The following ADAMTS12 variants were observed in gnomAD, a reference collection of about 807,000 sequenced individuals.
ADAMTS12 encodes ADAM metallopeptidase with thrombospondin type 1 motif 12, also known as A disintegrin and metalloproteinase with thrombospondin motifs 12.
ADAMTS12 carries 118 observed loss-of-function variants against 167.8 expected under a neutral mutation model. The ratio of observed to expected loss-of-function variants is 0.70; its 90% CI spans 0.61 to 0.82. ADAMTS12 has a LOEUF of 0.82. Ranked by LOEUF, ADAMTS12 falls within the 40% of genes least tolerant of loss-of-function variation. ADAMTS12 has a pLI of 0.00. For synonymous variants in ADAMTS12, 704 were observed against 716.9 expected, an observed-to-expected ratio of 0.98 and a Z score of 0.29; for missense variants, 1,916 against 1,998.8, an observed-to-expected ratio of 0.96 and a Z score of 0.79.
At chr5:33,607,995 C>T (rs573571412) in intron 16 of ADAMTS12, among the ~76,000 whole-genome samples, 1 of 151,918 alleles carries the variant, frequency 6.6e-6, no homozygotes, top group Non-Finnish European at 1.5e-5. Flanking sequence ...GGAAATAGAC[C>T]CACACCTATA....
At chr5:33,558,306 T>A (rs1745577253) in intron 20 of ADAMTS12, among the ~76,000 whole-genome samples, 1 of 152,150 alleles carries the variant, frequency 6.6e-6, no homozygotes, top group Non-Finnish European at 1.5e-5. Flanking sequence ...AAATAGCATC[T>A]TTGATATAAG....
intron 3 of ADAMTS12, among the ~76,000 whole-genome samples, chr5:33,747,926 T>A (rs531427581): frequency 1.3e-5 from 2 of 152,292 alleles, no homozygotes; most frequent in Admixed American, 1.3e-4. Context: ...CCAAAGAACC[T>A]AGGAAAAACC....
In ADAMTS12 at chr5:33,784,609, CA is replaced by C. The variant is rs200398254; in HGVS notation, c.490-33062del. On this transcript the variant is annotated intron_variant, in intron 2 of 23. Coordinates refer to ENST00000504830, the MANE Select transcript of ADAMTS12 (RefSeq NM_030955.4). ...TCATTTCCAAGATAATCAGAAAGAACAAAATAATTACAAATTAACGTTTAAG... is the reference window on the plus strand; with the variant it reads ...TCATTTCCAAGATAATCAGAAAGAACAAATAATTACAAATTAACGTTTAAG... 5.1e-3 allele frequency among the ~76,000 whole-genome samples: 779 copies of C among 151,722 alleles called. 10 individuals are homozygous for C. The highest frequency in any genetic ancestry group is 0.018 in the African/African-American group (750 of 41,458).
Position 33,849,151 on chromosome 5 carries a change from A to T in ADAMTS12, c.489+31968T>A, listed in dbSNP as rs868122061. On this transcript the variant is annotated intron_variant, in intron 2 of 23. Coordinates refer to ENST00000504830, the MANE Select transcript of ADAMTS12 (RefSeq NM_030955.4). ...AATATATATATATGTATTGCATAGC[A>T]ATATATATATGTATTGCATAGCAAT... Among the ~76,000 whole-genome samples, 3 of 59,832 alleles carry T rather than the reference A, an allele frequency of 5.0e-5. 1 individual carries two copies. Among genetic ancestry groups the T allele is most frequent in the African/African-American group, 1.5e-4 (3 of 19,986 alleles). 39.3% of individuals were successfully genotyped at this position (59,832 alleles called of 152,430 possible). A position where few individuals can be genotyped will look rare whatever the true frequency, so the allele number is the denominator to read the frequency against.
At chr5:33,877,545 T>G (rs1222689083) in intron 2 of ADAMTS12, among the ~76,000 whole-genome samples, 2 of 152,078 alleles carry the variant, frequency 1.3e-5, no homozygotes, top group Non-Finnish European at 2.9e-5. Flanking sequence ...ATCAAAAAGC[T>G]GAGAATGGAA....
intron 22 of ADAMTS12, among the ~76,000 whole-genome samples, chr5:33,538,145 A>G (rs1744504392): frequency 6.6e-6 from 1 of 152,048 alleles, no homozygotes; most frequent in African/African-American, 2.4e-5. Flanking sequence ...TTAAGAAAAG[A>G]GGTTTAATTG....
intron 20 of ADAMTS12, among the ~76,000 whole-genome samples, chr5:33,555,675 G>C (rs540520801): frequency 6.6e-6 from 1 of 152,096 alleles, no homozygotes; most frequent in Non-Finnish European, 1.5e-5. Context: ...CCCAGGTGAC[G>C]GTTTCTTAGA....
chr5:33,723,236 C>T (rs551820210), intron 3 of ADAMTS12, among the ~76,000 whole-genome samples: 4 of 152,258 alleles, frequency 2.6e-5, no homozygotes, highest in South Asian at 2.1e-4. Context: ...TTTTGAGAAG[C>T]GAACTCCATT....
intron 2 of ADAMTS12, among the ~76,000 whole-genome samples, chr5:33,762,430 C>T (rs997620774): frequency 1.3e-5 from 2 of 151,848 alleles, no homozygotes; most frequent in African/African-American, 2.4e-5. Context: ...ATGGTGTGAA[C>T]CCGGGAGGCG....
intron 2 of ADAMTS12, among the ~76,000 whole-genome samples, chr5:33,879,226 C>T (rs1205741748): frequency 6.6e-6 from 1 of 152,046 alleles, no homozygotes; most frequent in Admixed American, 6.6e-5. Context: ...GCCCATTCCC[C>T]CGAGATTCTG....
intron 3 of ADAMTS12, among the ~76,000 whole-genome samples, chr5:33,700,384 T>G (rs1046967433): frequency 6.6e-6 from 1 of 152,202 alleles, no homozygotes; most frequent in African/African-American, 2.4e-5. Flanking sequence ...ACAACTTGGA[T>G]GACTCACCAG....
intron 2 of ADAMTS12, among the ~76,000 whole-genome samples, chr5:33,866,930 T>C (rs1330781698): frequency 6.7e-6 from 1 of 148,496 alleles, no homozygotes; most frequent in Non-Finnish European, 1.5e-5. Context: ...TATTTAAAAG[T>C]AAAAAAAAAA....
At chr5:33,563,581 C>T (rs181448054) in intron 19 of ADAMTS12, among the ~76,000 whole-genome samples, 1 of 152,174 alleles carries the variant, frequency 6.6e-6, no homozygotes, top group Admixed American at 6.5e-5. Flanking sequence ...CACATCAGCA[C>T]CATATGAACA....
chr5:33,781,522 G>A (rs961361140), intron 2 of ADAMTS12, among the ~76,000 whole-genome samples: 2 of 152,056 alleles, frequency 1.3e-5, no homozygotes, highest in Admixed American at 1.3e-4. Context: ...CATTGACCAG[G>A]CCAATCTGTC....
At chr5:33,594,100 C>T (rs113294994) in intron 17 of ADAMTS12, among the ~76,000 whole-genome samples, 89 of 152,298 alleles carry the variant, frequency 5.8e-4, no homozygotes, top group African/African-American at 2.0e-3. Flanking sequence ...ATAATTCCCA[C>T]GTGTTGTGGG....
chr5:33,664,399 A>G (rs1013334936), intron 5 of ADAMTS12, among the ~76,000 whole-genome samples: 2 of 152,208 alleles, frequency 1.3e-5, no homozygotes, highest in African/African-American at 2.4e-5. Flanking sequence ...TGACAAAGGT[A>G]AAAAAGCAAT....
intron 19 of ADAMTS12, among the ~76,000 whole-genome samples, chr5:33,572,214 T>C (rs1477250060): frequency 6.6e-6 from 1 of 151,960 alleles, no homozygotes; most frequent in Non-Finnish European, 1.5e-5. Context: ...TTCCAATCAA[T>C]AGCAAAAGAG....
chr5:33,852,064 G>A (rs1024303196), intron 2 of ADAMTS12, among the ~76,000 whole-genome samples: 1 of 152,148 alleles, frequency 6.6e-6, no homozygotes, highest in African/African-American at 2.4e-5. Context: ...TTATCTAACA[G>A]TTTAACCTCC....
chr5:33,743,613 C>A (rs575483988), intron 3 of ADAMTS12, among the ~76,000 whole-genome samples: 2 of 152,180 alleles, frequency 1.3e-5, no homozygotes, highest in Non-Finnish European at 2.9e-5. Flanking sequence ...CCTAATTACC[C>A]GGTGTCTGGC....
Sources: allele counts gnomAD v4.1 joint callset (sites outside exome capture counted in the v4.1 genomes callset), GRCh38; gene constraint gnomAD v4.1.1; transcripts MANE v1.5; gene names NCBI Gene and HGNC (gene_info 2026-07-23, HGNC 2026-07-21).